The following TMTC1 variants were observed in gnomAD, a reference collection of about 807,000 sequenced individuals.
The protein encoded by TMTC1 is protein O-mannosyl-transferase TMTC1.
TMTC1 carries 73 observed loss-of-function variants against 104.8 expected under a neutral mutation model. That is an observed-to-expected ratio of 0.70 (90% CI 0.58 to 0.85). The LOEUF is 0.85. Among genes scored for constraint, TMTC1 ranks in the 40% least tolerant of loss-of-function variants. The pLI is 0.00. For synonymous variants in TMTC1, 434 were observed against 428.7 expected (o/e 1.01, Z -0.15); for missense variants, 1,035 against 1,096.1 (o/e 0.94, Z 0.79).
chr12:29,706,856 A>G (rs1941760107), intron 5 of TMTC1, among the ~76,000 whole-genome samples: 1 of 152,162 alleles, frequency 6.6e-6, no homozygotes, highest in South Asian at 2.1e-4. Flanking sequence ...GGTTGGGGGC[A>G]GCGGTGGGTA....
intron 10 of TMTC1, among the ~76,000 whole-genome samples, chr12:29,547,208 C>G (rs1050582241): frequency 6.6e-5 from 10 of 152,108 alleles, no homozygotes; most frequent in Non-Finnish European, 1.0e-4. Flanking sequence ...AAACAAAAAC[C>G]AGGGGATTCC....
At chr12:29,579,349 C>A (rs1945912818) in intron 8 of TMTC1, among the ~76,000 whole-genome samples, 1 of 152,198 alleles carries the variant, frequency 6.6e-6, no homozygotes, top group African/African-American at 2.4e-5. Flanking sequence ...GACTGTATGA[C>A]CCGCAGAGCT....
At chr12:29,597,233 CTTTT>C (rs1194067271) in intron 7 of TMTC1, among the ~76,000 whole-genome samples, 1 of 131,344 alleles carries the variant, frequency 7.6e-6, no homozygotes, top group East Asian at 2.0e-4. Context: ...TTCTTTCTTT[CTTTT>C]CTTTCTTTTT....
intron 15 of TMTC1, among the ~76,000 whole-genome samples, chr12:29,515,650 CT>C (rs1367560930): frequency 1.3e-5 from 2 of 152,026 alleles, no homozygotes; most frequent in Admixed American, 6.6e-5. Context: ...AGAGGTAGCG[CT>C]TCATGATATT....
At chr12:29,593,640 C>G (rs1437935840) in intron 7 of TMTC1, among the ~76,000 whole-genome samples, 1 of 152,226 alleles carries the variant, frequency 6.6e-6, no homozygotes, top group Non-Finnish European at 1.5e-5. Context: ...GGGACACAAA[C>G]AAGCGCTTAA....
At chr12:29,781,032 T>C (rs1943823427) in intron 1 of TMTC1, among the ~76,000 whole-genome samples, 1 of 152,234 alleles carries the variant, frequency 6.6e-6, no homozygotes, top group South Asian at 2.1e-4. Context: ...TCATAGCGAA[T>C]AGTTAATAAA....
chr12:29,572,556 C>A (rs1945708676), intron 8 of TMTC1, among the ~76,000 whole-genome samples: 1 of 151,786 alleles, frequency 6.6e-6, no homozygotes, highest in Non-Finnish European at 1.5e-5. Context: ...CTTCCTGAGG[C>A]TTTTTTTTGG....
intron 7 of TMTC1, among the ~76,000 whole-genome samples, chr12:29,587,774 C>A (rs182958082): frequency 6.6e-6 from 1 of 152,248 alleles, no homozygotes; most frequent in East Asian, 1.9e-4. Flanking sequence ...TTTATTCATT[C>A]TTTCTCTTAT....
chr12:29,515,753 CT>C lies in TMTC1; in HGVS notation c.2307+595del, dbSNP rs59185698. ...AGCTCCATGAAGACAAGGGCAGTGA[CT>C]TTTTTTTTTTTTTTTCATACCACTT... is the stretch of plus-strand genomic sequence containing the variant. On this transcript the variant is annotated intron_variant, in intron 15 of 17. Transcript: ENST00000539277. Among the ~76,000 whole-genome samples, 277 of 138,428 alleles carry C rather than the reference CT, an allele frequency of 2.0e-3. 2 individuals carry two copies. Among genetic ancestry groups the C allele is most frequent in the African/African-American group, 6.7e-3 (252 of 37,706 alleles). 90.8% of individuals were successfully genotyped at this position (138,428 alleles called of 152,430 possible). A position where few individuals can be genotyped will look rare whatever the true frequency, so the allele number is the denominator to read the frequency against.
chr12:29,734,977 G>C (rs998036494), intron 5 of TMTC1, among the ~76,000 whole-genome samples: 1 of 152,172 alleles, frequency 6.6e-6, no homozygotes, highest in Non-Finnish European at 1.5e-5. Context: ...TCTGTTACAA[G>C]CGTTAGCTTC....
At chr12:29,733,207 C>T (rs1007308678) in intron 5 of TMTC1, among the ~76,000 whole-genome samples, 1 of 152,162 alleles carries the variant, frequency 6.6e-6, no homozygotes, top group African/African-American at 2.4e-5. Flanking sequence ...ACATTAGTCT[C>T]ATTTTGCCCA....
rs188217401 is a variant in TMTC1, at chr12:29,506,448, C to T, written c.*398G>A. The T allele has an allele frequency of 0.01, 1,691 of 162,392 alleles. 16 individuals are homozygous for T. The highest frequency in any genetic ancestry group is 0.014 in the Non-Finnish European group (1,044 of 74,318). 10.1% of individuals were successfully genotyped at this position (162,392 alleles called of 1,614,324 possible). ...TTTATCCTCTTTTGAAATATTTCAT[C>T]CCATAAAGAATAGAAGCTCTGCCTT... On this transcript the variant is annotated 3_prime_UTR_variant, in exon 18 of 18. Transcript: ENST00000539277.
intron 7 of TMTC1, among the ~76,000 whole-genome samples, chr12:29,602,444 G>A (rs1481413100): frequency 1.3e-5 from 2 of 152,250 alleles, no homozygotes; most frequent in South Asian, 2.1e-4. Context: ...GCCCTATAAC[G>A]GTTTCATTTA....
chr12:29,723,498 A>C (rs1565794518), intron 5 of TMTC1, among the ~76,000 whole-genome samples: 1 of 152,154 alleles, frequency 6.6e-6, no homozygotes, highest in Non-Finnish European at 1.5e-5. Flanking sequence ...AGGCAGGAAG[A>C]TCTCTTGAGC....
chr12:29,590,527 C>T lies in TMTC1; in HGVS notation c.1251-6953G>A, dbSNP rs563719243. 5.9e-5 allele frequency among the ~76,000 whole-genome samples: 9 copies of T among 152,340 alleles called. No homozygotes were observed. The South Asian group carries it at 1.7e-3, about 28-fold the overall frequency. On this transcript the variant is annotated intron_variant, in intron 7 of 17. Transcript: ENST00000539277. ...TGTGGCCAGGCATGGTGGCTCATGC[C>T]TGTAATCCCAGCACTTTGGGAGGCC... is the stretch of plus-strand genomic sequence containing the variant.
intron 10 of TMTC1, among the ~76,000 whole-genome samples, chr12:29,556,476 A>G (rs1191646414): frequency 6.6e-6 from 1 of 152,222 alleles, no homozygotes; most frequent in East Asian, 1.9e-4. Context: ...AAAGACAAAA[A>G]TGACTATCCC....
intron 1 of TMTC1, among the ~76,000 whole-genome samples, chr12:29,778,281 A>G (rs538267192): frequency 1.4e-4 from 22 of 152,316 alleles, no homozygotes; most frequent in Admixed American, 1.4e-3. Flanking sequence ...TTAAAAAATC[A>G]TTGGTTCTTG....
At chr12:29,613,557 A>G (rs952691960) in intron 6 of TMTC1, among the ~76,000 whole-genome samples, 3 of 152,224 alleles carry the variant, frequency 2.0e-5, no homozygotes, top group South Asian at 4.1e-4. Context: ...AAGGGGACCT[A>G]GTGTGGAAGA....
At chr12:29,643,219 A>G (rs1036587254) in intron 5 of TMTC1, among the ~76,000 whole-genome samples, 1 of 151,774 alleles carries the variant, frequency 6.6e-6, no homozygotes, top group Non-Finnish European at 1.5e-5. Flanking sequence ...TACAGCCACT[A>G]TGGAAAACAA....
Sources: gnomAD v4.1 joint callset for allele counts (sites outside exome capture counted in the v4.1 genomes callset) on GRCh38, gnomAD v4.1.1 for gene constraint, MANE v1.5 for transcripts, NCBI Gene and HGNC (gene_info 2026-07-23, HGNC 2026-07-21) for gene names.